Variants in TXNDC9 observed in about 807,000 individuals in gnomAD.
TXNDC9 encodes thioredoxin domain-containing protein 9.
A neutral mutation model predicts 23.0 loss-of-function variants in TXNDC9; 7 were observed. The observed-to-expected ratio is 0.30, with a 90% CI of 0.17 to 0.57. The LOEUF is 0.57. Ranked by LOEUF, TXNDC9 falls within the 20% of genes least tolerant of loss-of-function variation. TXNDC9 has a pLI of 0.90. For missense variants in TXNDC9, 198 were observed against 252.6 expected, an observed-to-expected ratio of 0.78 and a Z score of 1.47; for synonymous variants, 72 against 90.6, an observed-to-expected ratio of 0.79 and a Z score of 1.17.
intron 1 of TXNDC9, 125 bp downstream of exon 1, chr2:99,336,114 C>A: frequency 5.9e-6 from 5 of 847,888 alleles, no homozygotes; most frequent in Non-Finnish European, 7.1e-6. Context: ...GCGCAAGAGC[C>A]TCTGCCAGGA....
At chr2:99,309,193 C>T in the TXNDC9 span, among the ~76,000 whole-genome samples, 2 of 147,942 alleles carry the variant, frequency 1.4e-5, no homozygotes, top group Admixed American at 6.7e-5. Flanking sequence ...GCCCGCATGA[C>T]GAAACCCCGT....
rs11542367 is a variant in TXNDC9, at chr2:99,322,102, T to C, written c.416A>G (p.His139Arg). The C allele has an allele frequency of 7.9e-3, 12,699 of 1,614,162 alleles. 296 individuals carry two copies. The highest frequency in any genetic ancestry group is 0.078 in the African/African-American group (5,834 of 75,048). ...TGCTAGTGTGGGAATGACTTTGATA[T>C]GCAGTCTCTCACAAAGGAAAGGTGC... ...EKAPFLCERL[H>R]IKVIPTLALL... Residue 139 changes from histidine to arginine, a missense_variant, in exon 4 of 5, where the codon CAT becomes CGT. Transcript: ENST00000264255.
chr2:99,316,711 CT>C (rs1264405559), downstream of TXNDC9, among the ~76,000 whole-genome samples: 1 of 152,022 alleles, frequency 6.6e-6, no homozygotes, highest in Non-Finnish European at 1.5e-5. Context: ...ATTACAGTTA[CT>C]TTACTTTTGA....
At chr2:99,316,181 A>T (rs939767978), downstream of TXNDC9, among the ~76,000 whole-genome samples, 1 of 151,878 alleles carries the variant, frequency 6.6e-6, no homozygotes, top group Non-Finnish European at 1.5e-5. Flanking sequence ...AAACAAAAAC[A>T]AAAAACAAAA....
Position 99,319,557 on chromosome 2 carries a change from C to G in TXNDC9, c.*125G>C. 2 of 699,896 alleles carry G rather than the reference C, an allele frequency of 2.9e-6. No individual in the cohort carries two copies. Among genetic ancestry groups the G allele is most frequent in the Non-Finnish European group, 4.8e-6 (2 of 412,620 alleles). 43.4% of individuals were successfully genotyped at this position (699,896 alleles called of 1,614,324 possible). ...AGTAAAGACACTTTTCGATGTGATA[C>G]AACTGTATAAAACTCGAGAATATGA... On this transcript the variant is annotated 3_prime_UTR_variant, in exon 5 of 5. Transcript: ENST00000264255.
Position 99,327,550 on chromosome 2 carries a change from C to T in TXNDC9, c.293G>A (p.Arg98Lys), listed in dbSNP as rs778019186. 1.9e-6 allele frequency: 3 copies of T among 1,611,740 alleles called. No homozygotes were observed. The South Asian group carries it at 3.3e-5, about 18-fold the overall frequency. ...ESENVVCHFY[R>K]DSTFRCKILD... Reference sequence around the variant, plus strand: ...ACAAAGTTACCTGAATGTGGAGTCTCTGTAGAAATGGCAAACCACATTTTC... The same window carrying T: ...ACAAAGTTACCTGAATGTGGAGTCTTTGTAGAAATGGCAAACCACATTTTC... Residue 98 changes from arginine (R) to lysine (K), a missense_variant, in exon 3 of 5, where the codon AGA (arginine) becomes AAA (lysine). Transcript: ENST00000264255.
intron 1 of TXNDC9, 31 bp downstream of exon 1, chr2:99,336,208 G>A (rs947570546): frequency 3.0e-6 from 3 of 985,264 alleles, no homozygotes; most frequent in African/African-American, 3.5e-5. Flanking sequence ...GGACGTGGTG[G>A]TCGGATTCTT....
downstream of TXNDC9, among the ~76,000 whole-genome samples, chr2:99,318,658 C>G (rs540935737): frequency 9.2e-5 from 14 of 152,178 alleles, no homozygotes; most frequent in Non-Finnish European, 1.6e-4. Flanking sequence ...CTTCACTCTA[C>G]GTACGAGTAA....
downstream of TXNDC9, among the ~76,000 whole-genome samples, chr2:99,314,024 C>T (rs1438817397): frequency 6.6e-6 from 1 of 152,138 alleles, no homozygotes; most frequent in Non-Finnish European, 1.5e-5. Context: ...TGAAAGACTT[C>T]ATATAGGTAA....
At chr2:99,332,421 T>C (rs2094228268) in intron 2 of TXNDC9, among the ~76,000 whole-genome samples, 1 of 152,056 alleles carries the variant, frequency 6.6e-6, no homozygotes, top group Non-Finnish European at 1.5e-5. Flanking sequence ...CCAGCCAGGG[T>C]GTCACAGCGA....
intron 3 of TXNDC9, among the ~76,000 whole-genome samples, chr2:99,325,317 ATC>A (rs985799596): frequency 2.6e-5 from 4 of 152,276 alleles, no homozygotes; most frequent in African/African-American, 9.6e-5. Context: ...ATGGGTTCCA[ATC>A]TCTCTCTTTT....
chr2:99,314,717 G>A (rs929829956), downstream of TXNDC9, among the ~76,000 whole-genome samples: 1 of 150,736 alleles, frequency 6.6e-6, no homozygotes. Context: ...TTTTAGTAGA[G>A]ACGGGGTTTC....
chr2:99,325,771 G>T (rs191455429), intron 3 of TXNDC9, among the ~76,000 whole-genome samples: 1 of 152,266 alleles, frequency 6.6e-6, no homozygotes, highest in Admixed American at 6.5e-5. Flanking sequence ...AACACTTTGG[G>T]AGGCCAAGGT....
At chr2:99,333,267 A>AT in intron 1 of TXNDC9, 25 bp from the exon 2 acceptor site, 1 of 1,524,604 alleles carries the variant, frequency 6.6e-7, no homozygotes, top group African/African-American at 1.4e-5. Context: ...TACAAAATAC[A>AT]TTTTAAAAAA....
downstream of TXNDC9, among the ~76,000 whole-genome samples, chr2:99,315,867 T>C (rs1040938667): frequency 3.3e-5 from 5 of 152,218 alleles, no homozygotes; most frequent in African/African-American, 1.2e-4. Context: ...AATTGTAGTT[T>C]TGCCCTAAGT....
the TXNDC9 span, among the ~76,000 whole-genome samples, chr2:99,307,284 T>C: frequency 6.6e-6 from 1 of 152,066 alleles, no homozygotes; most frequent in East Asian, 1.9e-4. Flanking sequence ...GTTTGCAAAA[T>C]GCCAGGACAT....
intron 2 of TXNDC9, among the ~76,000 whole-genome samples, chr2:99,331,509 C>CA (rs1331778345): frequency 0.013 from 691 of 54,258 alleles, 3 homozygotes; most frequent in Middle Eastern, 0.031. Flanking sequence ...GACTCCCTCT[C>CA]AAAAAAAAAA....
At chr2:99,315,517 CAAGT>C (rs2094187256), downstream of TXNDC9, among the ~76,000 whole-genome samples, 1 of 152,132 alleles carries the variant, frequency 6.6e-6, no homozygotes, top group South Asian at 2.1e-4. Context: ...TCAATTGCAG[CAAGT>C]GTTTTTATAT....
rs192134737 is a variant in TXNDC9 at position 99,319,372 on chromosome 2, T to C, written c.*310A>G. On this transcript the variant is annotated 3_prime_UTR_variant, in exon 5 of 5. Coordinates refer to ENST00000264255, the MANE Select transcript of TXNDC9 (RefSeq NM_005783.4). ...AATTAGTCCTGGAATAGTTTTCGAA[T>C]TTCTAACTCTGTAGATCTAAAACAC... 631 of 193,776 alleles carry C rather than the reference T, an allele frequency of 3.3e-3. 5 individuals carry two copies. The highest frequency in any genetic ancestry group is 0.014 in the African/African-American group (595 of 42,842). The allele number at this position is 193,776 out of a possible 1,614,324, so 12.0% of individuals were successfully genotyped here.
Sources: allele counts gnomAD v4.1 joint callset (sites outside exome capture counted in the v4.1 genomes callset), GRCh38; gene constraint gnomAD v4.1.1; transcripts MANE v1.5; gene names NCBI Gene and HGNC (gene_info 2026-07-23, HGNC 2026-07-21).